Variants in IQSEC2 observed in about 807,000 individuals in gnomAD.
IQSEC2 encodes the protein IQ motif and Sec7 domain ArfGEF 2, also known as IQ motif and SEC7 domain-containing protein 2.
Under a neutral mutation model 74.6 loss-of-function variants are expected in IQSEC2, and 6 were observed. The observed-to-expected ratio is 0.08, with a 90% CI of 0.04 to 0.16. The LOEUF is 0.16. Ranked by LOEUF, IQSEC2 falls within the 10% of genes least tolerant of loss-of-function variation. The pLI, the probability that IQSEC2 is intolerant of heterozygous loss-of-function variation, is 1.00. For synonymous variants in IQSEC2, 494 were observed against 544.5 expected, an observed-to-expected ratio of 0.91 and a Z score of 1.29; for missense variants, 734 against 1,306.2, an observed-to-expected ratio of 0.56 and a Z score of 6.75.
At chrX:53,283,674 A>T (rs2074997886) in intron 2 of IQSEC2, among the ~76,000 whole-genome samples, 1 of 111,849 alleles carries the variant, frequency 8.9e-6, no homozygotes, top group Non-Finnish European at 1.9e-5. Context: ...CAGAGGCTGA[A>T]GGGAGGAAGG....
At chrX:53,260,697 G>A (rs1274894221) in intron 2 of IQSEC2, among the ~76,000 whole-genome samples, 6 of 111,087 alleles carry the variant, frequency 5.4e-5, no homozygotes, top group Non-Finnish European at 1.1e-4. Flanking sequence ...CGCTCCTCTC[G>A]GGCTGCAGTA....
rs187337434 is a variant in IQSEC2 at position 53,248,612 on chromosome X, T to G, written c.2459+109A>C. The G allele has an allele frequency of 4.3e-4, 367 of 858,059 alleles. 2 individuals are homozygous for G. In the African/African-American group the frequency reaches 6.7e-3, roughly 16 times the overall value. The allele number at this position is 858,059 out of a possible 1,213,427, so 70.7% of individuals were successfully genotyped here. On this transcript the variant is annotated intron_variant, in intron 6 of 14. Transcript: ENST00000642864. ...CAGGGGCAGGAAGGTCTATTCATCCTGTTTTGAAAAGCTTATCTGAGCTAA... is the reference window on the plus strand; with the variant it reads ...CAGGGGCAGGAAGGTCTATTCATCCGGTTTTGAAAAGCTTATCTGAGCTAA...
chrX:53,269,720 A>G (rs2074711359), intron 2 of IQSEC2, among the ~76,000 whole-genome samples: 1 of 108,230 alleles, frequency 9.2e-6, no homozygotes, highest in Non-Finnish European at 1.9e-5. Flanking sequence ...TGCGCCCACC[A>G]CTCCATGGAA....
chrX:53,312,040 T>C (rs1160696487), intron 1 of IQSEC2, among the ~76,000 whole-genome samples: 1 of 111,714 alleles, frequency 9.0e-6, no homozygotes, highest in Non-Finnish European at 1.9e-5. Flanking sequence ...GTCTCTCTGT[T>C]TGTGCTCTAG....
At chrX:53,238,430 A>G in intron 11 of IQSEC2, 124 bp from the exon 12 acceptor site, 1 of 668,181 alleles carries the variant, frequency 1.5e-6, no homozygotes, top group Non-Finnish European at 2.4e-6. Flanking sequence ...CCCAGGCTGG[A>G]GTGCAGTGGT....
At chrX:53,294,268 C>T (rs960425749) in intron 1 of IQSEC2, among the ~76,000 whole-genome samples, 2 of 112,611 alleles carry the variant, frequency 1.8e-5, no homozygotes, top group Admixed American at 9.4e-5. Flanking sequence ...GCGGGGAATT[C>T]GCCAATTCTC....
intron 1 of IQSEC2, among the ~76,000 whole-genome samples, chrX:53,303,715 C>T (rs782091225): frequency 3.7e-5 from 4 of 108,817 alleles, no homozygotes; most frequent in African/African-American, 1.0e-4. Context: ...GCAGGAGAAT[C>T]GCTTGAACCT....
chrX:53,255,812 C>A lies in IQSEC2; in HGVS notation c.987G>T (p.Leu329=), dbSNP rs1419492759. ...GCCTCTGTTGCACCTTCTTGTCCTG[C>A]AGGTCTGTGGAGAGTTCATAGCTGT... is the stretch of plus-strand genomic sequence containing the variant. The part of the protein sequence containing the change: ...LSDSYELSTD[L]QDKKVEMLER... The change falls in exon 3 of 15, where the codon CTG becomes CTT. Residue 329 remains leucine, a synonymous_variant. Coordinates refer to ENST00000642864, the MANE Select transcript of IQSEC2 (RefSeq NM_001111125.3). 6 of 1,210,302 alleles carry A rather than the reference C, an allele frequency of 5.0e-6. No homozygotes were observed. In the Admixed American group the frequency reaches 1.3e-4, roughly 26 times the overall value.
chrX:53,243,957 C>T (rs1327416921), intron 8 of IQSEC2, among the ~76,000 whole-genome samples: 2 of 111,666 alleles, frequency 1.8e-5, no homozygotes, highest in Non-Finnish European at 3.8e-5. Context: ...TGGTGGCTCA[C>T]GCCTGTACTC....
intron 10 of IQSEC2, among the ~76,000 whole-genome samples, 162 bp downstream of exon 10, chrX:53,241,622 C>T (rs782262492): frequency 8.9e-6 from 1 of 112,155 alleles, no homozygotes; most frequent in Non-Finnish European, 1.9e-5. Flanking sequence ...AAAGGAGGGG[C>T]AGAGAAGGCC....
chrX:53,306,955 G>C (rs2075268212), intron 1 of IQSEC2, among the ~76,000 whole-genome samples: 1 of 111,093 alleles, frequency 9.0e-6, no homozygotes, highest in Non-Finnish European at 1.9e-5. Context: ...ACTGGACACA[G>C]GGATAAATGG....
Position 53,233,647 on chromosome X carries a change from A to C in IQSEC2, c.*572T>G, listed in dbSNP as rs782694256. 53 of 265,810 alleles carry C rather than the reference A, an allele frequency of 2.0e-4. No individual in the cohort carries two copies. The highest frequency in any genetic ancestry group is 3.2e-4 in the Non-Finnish European group (48 of 150,835). The allele number at this position is 265,810 out of a possible 1,213,427, so 21.9% of individuals were successfully genotyped here. The stretch of plus-strand genomic sequence containing the variant: ...GGCCAACACAAGCAGGGTCCCACCC[A>C]CCAAGTGCATCAATGGTCCGTGTCC... On this transcript the variant is annotated 3_prime_UTR_variant, in exon 15 of 15. Coordinates refer to ENST00000642864, the MANE Select transcript of IQSEC2 (RefSeq NM_001111125.3).
Position 53,233,715 on chromosome X carries a change from T to C in IQSEC2, c.*504A>G, listed in dbSNP as rs782315145. The C allele has an allele frequency of 2.7e-4, 78 of 291,277 alleles. No individual in the cohort carries two copies. In the Middle Eastern group the frequency reaches 3.6e-3, roughly 13 times the overall value. The allele number at this position is 291,277 out of a possible 1,213,427, so 24.0% of individuals were successfully genotyped here. A position where few individuals can be genotyped will look rare whatever the true frequency, so the allele number is the denominator to read the frequency against. ...CACATGGAAGTGTGTGGCCAGGCCC[T>C]GAGGTCAGAGAGAGGGCCAAGCCAG... On this transcript the variant is annotated 3_prime_UTR_variant, in exon 15 of 15. Coordinates refer to ENST00000642864, the MANE Select transcript of IQSEC2 (RefSeq NM_001111125.3).
chrX:53,286,939 CA>C (rs11464309), intron 2 of IQSEC2, among the ~76,000 whole-genome samples: 5 of 58,452 alleles, frequency 8.6e-5, no homozygotes, highest in African/African-American at 1.5e-4. Context: ...GTATCCGGCT[CA>C]AAAAAAAAAA....
At chrX:53,297,934 A>C (rs1602357107) in intron 1 of IQSEC2, among the ~76,000 whole-genome samples, 1 of 111,081 alleles carries the variant, frequency 9.0e-6, no homozygotes, top group East Asian at 2.9e-4. Context: ...ATTTGAGATC[A>C]GCCTGGCCAA....
chrX:53,278,086 C>T (rs2074872104), intron 2 of IQSEC2, among the ~76,000 whole-genome samples: 3 of 88,875 alleles, frequency 3.4e-5, no homozygotes, highest in Non-Finnish European at 6.2e-5. Context: ...TCTCGGCTCA[C>T]TGCAAGCTCC....
chrX:53,235,578 C>T (rs953208285), intron 14 of IQSEC2, among the ~76,000 whole-genome samples: 2 of 111,144 alleles, frequency 1.8e-5, no homozygotes, highest in African/African-American at 3.3e-5. Flanking sequence ...AGAGGGGGCA[C>T]GGGAGAGTGG....
intron 1 of IQSEC2, among the ~76,000 whole-genome samples, chrX:53,296,029 A>G (rs1307636807): frequency 6.3e-5 from 7 of 110,890 alleles, no homozygotes; most frequent in African/African-American, 2.3e-4. Flanking sequence ...CTGAACATCA[A>G]CAGAAGTAGA....
chrX:53,294,074 G>T (rs1556873711), intron 1 of IQSEC2, among the ~76,000 whole-genome samples: 1 of 111,759 alleles, frequency 8.9e-6, no homozygotes, highest in Non-Finnish European at 1.9e-5. Flanking sequence ...ATGACGGTGA[G>T]TTCCCTTATC....
Sources: allele counts gnomAD v4.1 joint callset (sites outside exome capture counted in the v4.1 genomes callset), GRCh38; gene constraint gnomAD v4.1.1; transcripts MANE v1.5; gene names NCBI Gene and HGNC (gene_info 2026-07-23, HGNC 2026-07-21).